Variants in KLHL5 observed in about 807,000 individuals in gnomAD.
The protein encoded by KLHL5 is kelch-like protein 5.
KLHL5 carries 48 observed loss-of-function variants against 77.7 expected under a neutral mutation model. The ratio of observed to expected loss-of-function variants is 0.62; its 90% CI spans 0.49 to 0.79. The LOEUF is 0.79. Among genes scored for constraint, KLHL5 ranks in the 30% least tolerant of loss-of-function variants. KLHL5 has a pLI of 0.00. For synonymous variants in KLHL5, 260 were observed against 297.0 expected (o/e 0.88, Z 1.28); for missense variants, 723 against 859.7 (o/e 0.84, Z 1.99).
chr4:39,111,801 A>G (rs1394400890), intron 8 of KLHL5, among the ~76,000 whole-genome samples: 1 of 152,178 alleles, frequency 6.6e-6, no homozygotes, highest in Non-Finnish European at 1.5e-5. Flanking sequence ...TGCTATAACC[A>G]TATGTTGCTG....
chr4:39,062,575 CTT>C lies in KLHL5; in HGVS notation c.-77_-76del, dbSNP rs1364254224. On this transcript the variant is annotated 5_prime_UTR_variant, in exon 1 of 11. Transcript: ENST00000504108. ...TGTGTACAGCAGGGCATATACTTCT[CTT>C]GTCTTGGTTGGATGCACAAATCTGT... 1.2e-6 allele frequency: 2 copies of C among 1,614,084 alleles called. No homozygotes were observed. The highest frequency in any genetic ancestry group is 1.7e-5 in the Admixed American group (1 of 60,010).
At chr4:39,045,023 C>G (rs1716043387), upstream of KLHL5, 1 of 993,696 alleles carries the variant, frequency 1.0e-6, no homozygotes, top group Non-Finnish European at 1.2e-6. Context: ...GGCCCCGGCC[C>G]CCGCCTCCCC....
chr4:39,091,283 C>T (rs953236797), intron 5 of KLHL5, among the ~76,000 whole-genome samples: 15 of 151,974 alleles, frequency 9.9e-5, no homozygotes, highest in Non-Finnish European at 1.9e-4. Context: ...GCCACCATGC[C>T]CAGCCGGTTT....
rs1301192096 is a variant in KLHL5 at position 39,089,495 on chromosome 4, C to T, written c.1113+2768C>T. On this transcript the variant is annotated intron_variant, in intron 5 of 10. Coordinates refer to ENST00000504108, the MANE Select transcript of KLHL5 (RefSeq NM_015990.5). ...TGAATCCAAAGGCAAGAGAATGACACTGGCCAAGGAGTACACAAGAGTGCT... is the reference window on the plus strand; with the variant it reads ...TGAATCCAAAGGCAAGAGAATGACATTGGCCAAGGAGTACACAAGAGTGCT... Among the ~76,000 whole-genome samples the T allele has an allele frequency of 5.9e-5, 9 of 152,112 alleles. No homozygotes were observed. In the South Asian group the frequency reaches 1.5e-3, roughly 25 times the overall value.
the KLHL5 span, among the ~76,000 whole-genome samples, chr4:39,141,304 C>CTTTTTTTTT: frequency 1.3e-5 from 1 of 75,622 alleles, no homozygotes; most frequent in African/African-American, 4.9e-5. Flanking sequence ...ATTTTTTAGT[C>CTTTTTTTTT]TTTTTTTTTT....
chr4:39,057,492 T>G (rs1717083017), upstream of KLHL5, among the ~76,000 whole-genome samples: 1 of 152,172 alleles, frequency 6.6e-6, no homozygotes, highest in South Asian at 2.1e-4. Context: ...ATAACTGAAA[T>G]TTTCCACCAT....
rs543321218 is a variant in KLHL5, at chr4:39,105,188, C to G, written c.1525+1677C>G. Among the ~76,000 whole-genome samples, 10 of 150,648 alleles carry G rather than the reference C, an allele frequency of 6.6e-5. No individual in the cohort carries two copies. In the South Asian group the frequency reaches 2.1e-3, roughly 31 times the overall value. On this transcript the variant is annotated intron_variant, in intron 7 of 10. Transcript: ENST00000504108. The stretch of plus-strand genomic sequence containing the variant: ...TTGAGACAGGTTCTTGCTCTGTCAC[C>G]TAGGCTGGAATGCAGTGGTATGTTT...
rs975082717 is a variant in KLHL5, at chr4:39,103,440, T to C, written c.1454T>C (p.Val485Ala). Residue 485 changes from valine to alanine, a missense_variant, in exon 7 of 11, where the codon GTA (valine) becomes GCA (alanine). Val to Ala is a moderately conservative substitution (Grantham distance 64, BLOSUM62 0). Around this residue, in one of 3 missense-constraint regions of KLHL5, gnomAD observed 288 missense variants for 400.3 expected, o/e 0.72. Transcript: ENST00000504108. Reference sequence around the variant, plus strand: ...GATGGACTGAAGACTTTGAATACTGTAGAGTGCTACAACCCCAAAACAAAA... The same window carrying C: ...GATGGACTGAAGACTTTGAATACTGCAGAGTGCTACAACCCCAAAACAAAA... ...GRDGLKTLNT[V>A]ECYNPKTKTW... 2.7e-5 allele frequency: 43 copies of C among 1,614,062 alleles called. No individual in the cohort carries two copies. Among genetic ancestry groups the C allele is most frequent in the Non-Finnish European group, 3.1e-5 (36 of 1,180,028 alleles).
chr4:39,086,613 TG>T lies in KLHL5; in HGVS notation c.1000del (p.Glu334ArgfsTer5). ...LASDDMNIPN[E>X]ETILNALLTW... The stretch of plus-strand genomic sequence containing the variant: ...CTAGTGATGACATGAACATTCCTAA[TG>T]AGGAGACAATATTGAATGCACTTCT... On this transcript the variant is annotated frameshift_variant, in exon 5 of 11. Coordinates refer to ENST00000504108, the MANE Select transcript of KLHL5 (RefSeq NM_015990.5). LOFTEE classifies it high-confidence loss of function. 4.3e-6 allele frequency: 7 copies of T among 1,613,886 alleles called. No individual in the cohort carries two copies. The highest frequency in any genetic ancestry group is 5.9e-6 in the Non-Finnish European group (7 of 1,179,840).
the KLHL5 span, among the ~76,000 whole-genome samples, chr4:39,135,795 T>C: frequency 6.6e-6 from 1 of 151,978 alleles, no homozygotes; most frequent in East Asian, 1.9e-4. Flanking sequence ...TCCCAGCTAC[T>C]TGGGAGGCTG....
downstream of KLHL5, among the ~76,000 whole-genome samples, chr4:39,130,618 A>G (rs951192671): frequency 6.6e-6 from 1 of 152,258 alleles, no homozygotes; most frequent in South Asian, 2.1e-4. Context: ...TGGGATGCCA[A>G]TCCCAGCCAG....
chr4:39,077,147 A>G (rs1175023710), intron 2 of KLHL5, among the ~76,000 whole-genome samples: 1 of 151,934 alleles, frequency 6.6e-6, no homozygotes, highest in Non-Finnish European at 1.5e-5. Context: ...AAGATCTACA[A>G]ATGGCCAACA....
chr4:39,075,961 TCAGGAC>T lies in KLHL5; in HGVS notation c.384-3_386del. On this transcript the variant is annotated splice_acceptor_variant and splice_polypyrimidine_tract_variant and coding_sequence_variant and intron_variant, in exon 2 of 11. Transcript: ENST00000504108. LOFTEE classifies it high-confidence loss of function. Reference sequence around the variant, plus strand: ...TCAAAATGTGTGTTTTTTTTTCTTTTCAGGACTTCCAATAGTAGTCAGACATTATCA... The same window carrying T: ...TCAAAATGTGTGTTTTTTTTTCTTTTTTCCAATAGTAGTCAGACATTATCA... 3 of 1,598,162 alleles carry T rather than the reference TCAGGAC, an allele frequency of 1.9e-6. No individual in the cohort carries two copies. Among genetic ancestry groups the T allele is most frequent in the Non-Finnish European group, 8.5e-7 (1 of 1,175,410 alleles).
chr4:39,128,773 G>C (rs1723671819), downstream of KLHL5, among the ~76,000 whole-genome samples: 1 of 151,958 alleles, frequency 6.6e-6, no homozygotes, highest in Admixed American at 6.6e-5. Context: ...GACCAGCCTG[G>C]GAACACAGGG....
chr4:39,059,069 A>T (rs945311582), upstream of KLHL5, among the ~76,000 whole-genome samples: 3 of 152,202 alleles, frequency 2.0e-5, no homozygotes, highest in African/African-American at 7.2e-5. Flanking sequence ...TTGATCGTTT[A>T]TAAATAATTT....
chr4:39,049,713 A>ATAAAT (rs1553885699), intron 1 of KLHL5, among the ~76,000 whole-genome samples: 275 of 18,172 alleles, frequency 0.015, no homozygotes, highest in Middle Eastern at 0.042. Context: ...AAATAAATAA[A>ATAAAT]AAATAAATAA....
Position 39,075,983 on chromosome 4 carries a change from G to T in KLHL5, c.402G>T (p.Gln134His). Residue 134 changes from glutamine to histidine, a missense_variant, in exon 2 of 11, where the codon CAG (glutamine) becomes CAT (histidine). Coordinates refer to ENST00000504108, the MANE Select transcript of KLHL5 (RefSeq NM_015990.5). ...TTTTCAGGACTTCCAATAGTAGTCA[G>T]ACATTATCATCCTGTCATACTATGG... Reference protein sequence around the residue: ...SSSCRTSNSSQTLSSCHTMEP... With the variant: ...SSSCRTSNSSHTLSSCHTMEP... 2 of 1,610,270 alleles carry T rather than the reference G, an allele frequency of 1.2e-6. No homozygotes were observed. The highest frequency in any genetic ancestry group is 2.2e-5 in the South Asian group (2 of 89,800).
chr4:39,062,891 C>G lies in KLHL5; in HGVS notation c.239C>G (p.Pro80Arg). 1 of 1,614,164 alleles carries G rather than the reference C, an allele frequency of 6.2e-7. No homozygotes were observed. The highest frequency in any genetic ancestry group is 1.1e-5 in the South Asian group (1 of 91,080). Residue 80 changes from proline (P) to arginine (R), a missense_variant, in exon 1 of 11, where the codon CCT becomes CGT. Pro to Arg is a moderately radical substitution (Grantham distance 103, BLOSUM62 -2). Coordinates refer to ENST00000504108, the MANE Select transcript of KLHL5 (RefSeq NM_015990.5). ...RSSQLDFQNS[P>R]SWPMASTSEV... is the part of the protein sequence containing the mutation. ...AGCCAACTGGATTTTCAGAATTCACCTTCTTGGCCAATGGCATCCACCTCT... is the reference window on the plus strand; with the variant it reads ...AGCCAACTGGATTTTCAGAATTCACGTTCTTGGCCAATGGCATCCACCTCT...
intron 1 of KLHL5, among the ~76,000 whole-genome samples, chr4:39,047,212 G>A (rs1192958713): frequency 1.3e-5 from 2 of 152,146 alleles, no homozygotes; most frequent in African/African-American, 4.8e-5. Flanking sequence ...GAGGTCAGGA[G>A]TTCAAGACCA....
Sources: allele counts gnomAD v4.1 joint callset (sites outside exome capture counted in the v4.1 genomes callset), GRCh38; gene constraint gnomAD v4.1.1; regional missense constraint gnomAD v4.1.1; transcripts MANE v1.5; gene names NCBI Gene and HGNC (gene_info 2026-07-23, HGNC 2026-07-21).